AFAP1L2: variants seen among roughly 807,000 people sequenced by gnomAD.
AFAP1L2 encodes the protein actin filament-associated protein 1-like 2.
Under a neutral mutation model 99.3 loss-of-function variants are expected in AFAP1L2, and 46 were observed. The ratio of observed to expected loss-of-function variants is 0.46; its 90% CI spans 0.37 to 0.59. The LOEUF (loss-of-function observed/expected upper bound fraction) is 0.59, where lower values mean the gene tolerates loss of function less well. AFAP1L2 is among the 20% of genes least tolerant of loss of function. AFAP1L2 has a pLI of 0.00. For synonymous variants in AFAP1L2, 397 were observed against 419.1 expected, an observed-to-expected ratio of 0.95 and a Z score of 0.64; for missense variants, 959 against 1,034.9, an observed-to-expected ratio of 0.93 and a Z score of 1.01.
chr10:114,345,336 T>C (rs892156056), intron 1 of AFAP1L2, among the ~76,000 whole-genome samples: 1 of 152,170 alleles, frequency 6.6e-6, no homozygotes, highest in East Asian at 1.9e-4. Flanking sequence ...TGGTGCCTTA[T>C]TCTGCAGGGT....
chr10:114,306,374 A>AGGGGAGGAGGGGGCAGGAGGGGACGCGG (rs1164260630), intron 10 of AFAP1L2, among the ~76,000 whole-genome samples: 1 of 147,824 alleles, frequency 6.8e-6, no homozygotes, highest in African/African-American at 2.5e-5. Context: ...CGGGGGCAGG[A>AGGGGAGGAGGGGGCAGGAGGGGACGCGG]GGGCATGGGT....
At chr10:114,331,668 G>T (rs1485028220) in intron 4 of AFAP1L2, 135 bp downstream of exon 4, 4 of 551,170 alleles carry the variant, frequency 7.3e-6, no homozygotes, top group East Asian at 3.5e-5. Flanking sequence ...GTCCCTACAC[G>T]TGCCTTGTCC....
intron 1 of AFAP1L2, among the ~76,000 whole-genome samples, chr10:114,381,192 A>G (rs900892015): frequency 3.3e-5 from 5 of 152,264 alleles, no homozygotes; most frequent in African/African-American, 1.2e-4. Context: ...GAATATTATT[A>G]AGCCATGAAA....
At chr10:114,315,864 G>C (rs970305545) in intron 5 of AFAP1L2, 99 bp from the exon 6 acceptor site, 14 of 1,197,568 alleles carry the variant, frequency 1.2e-5, no homozygotes, top group Middle Eastern at 2.7e-4. Context: ...GCAGCAGCCA[G>C]ACCACAGCCC....
chr10:114,286,099 A>T, the AFAP1L2 span: 2 of 1,614,168 alleles, frequency 1.2e-6, no homozygotes, highest in African/African-American at 2.7e-5. Flanking sequence ...GTGTGGCCAC[A>T]TACAGCAGGG....
upstream of AFAP1L2, chr10:114,404,549 G>A (rs1042005181): frequency 2.8e-6 from 4 of 1,435,058 alleles, no homozygotes; most frequent in Admixed American, 2.7e-5. Flanking sequence ...GCCCCTCCCC[G>A]TGAGGTCACG....
At chr10:114,320,763 G>A (rs549946852) in intron 5 of AFAP1L2, among the ~76,000 whole-genome samples, 2 of 152,288 alleles carry the variant, frequency 1.3e-5, no homozygotes, top group South Asian at 4.1e-4. Flanking sequence ...CCACAAACCG[G>A]CCCCCTGGTG....
intron 1 of AFAP1L2, among the ~76,000 whole-genome samples, chr10:114,362,700 A>G (rs887895361): frequency 1.3e-5 from 2 of 151,964 alleles, no homozygotes; most frequent in Non-Finnish European, 2.9e-5. Context: ...AAATTAATAC[A>G]CCCCCATCAA....
the AFAP1L2 span, chr10:114,281,684 C>A: frequency 1.0e-6 from 1 of 972,518 alleles, no homozygotes; most frequent in South Asian, 4.8e-5. Flanking sequence ...CAGATAGTAG[C>A]AGCACACCTG....
At chr10:114,285,141 G>A in the AFAP1L2 span, among the ~76,000 whole-genome samples, 2 of 152,204 alleles carry the variant, frequency 1.3e-5, no homozygotes, top group South Asian at 2.1e-4. Flanking sequence ...TCAGTGCTCC[G>A]TGAGTAGATA....
At chr10:114,368,651 G>T (rs2053625724) in intron 1 of AFAP1L2, among the ~76,000 whole-genome samples, 1 of 151,840 alleles carries the variant, frequency 6.6e-6, no homozygotes, top group Admixed American at 6.6e-5. Flanking sequence ...CTGAACTCAA[G>T]CAATCCACCC....
chr10:114,289,602 T>C, the AFAP1L2 span: 29 of 1,233,588 alleles, frequency 2.4e-5, no homozygotes, highest in Non-Finnish European at 3.1e-5. Flanking sequence ...GAGCACTTGC[T>C]TCCCAAGTGC....
chr10:114,398,021 G>A (rs1443366041), intron 1 of AFAP1L2, among the ~76,000 whole-genome samples: 1 of 152,140 alleles, frequency 6.6e-6, no homozygotes, highest in African/African-American at 2.4e-5. Flanking sequence ...CGTGTTCCCT[G>A]GCCTCACTGT....
chr10:114,357,903 A>G (rs906325034), intron 1 of AFAP1L2, among the ~76,000 whole-genome samples: 2 of 152,212 alleles, frequency 1.3e-5, no homozygotes, highest in African/African-American at 4.8e-5. Context: ...TCTTTTGACA[A>G]TACACACTTT....
chr10:114,366,235 G>A (rs139012994), intron 1 of AFAP1L2, among the ~76,000 whole-genome samples: 4 of 152,236 alleles, frequency 2.6e-5, no homozygotes, highest in Admixed American at 6.5e-5. Context: ...TCATATACAC[G>A]CGAAATACAT....
chr10:114,306,106 GGGATGCAGATGCCTGGA>G (rs2042316663), intron 10 of AFAP1L2, among the ~76,000 whole-genome samples: 5 of 97,330 alleles, frequency 5.1e-5, no homozygotes, highest in Admixed American at 9.0e-5. Context: ...GATGCAGGAA[GGGATGCAGATGCCTGGA>G]GGGATGCAGG....
intron 2 of AFAP1L2, among the ~76,000 whole-genome samples, chr10:114,340,010 C>CAAAA (rs3061677): frequency 4.2e-5 from 5 of 117,766 alleles, no homozygotes; most frequent in African/African-American, 1.0e-4. Context: ...GACCCCGTCT[C>CAAAA]AAAAAAAAAA....
intron 1 of AFAP1L2, among the ~76,000 whole-genome samples, chr10:114,387,672 G>A (rs1368733649): frequency 6.6e-6 from 1 of 152,192 alleles, no homozygotes; most frequent in African/African-American, 2.4e-5. Context: ...GTAAGTAATT[G>A]CTCATGGTTG....
intron 4 of AFAP1L2, chr10:114,326,002 G>A (rs1564876135): frequency 7.8e-7 from 1 of 1,279,062 alleles, no homozygotes; most frequent in Admixed American, 2.4e-5. Context: ...CTGGAGAAAA[G>A]CTCTGGGCAC....
Sources: gnomAD v4.1 joint callset for allele counts (sites outside exome capture counted in the v4.1 genomes callset) on GRCh38, gnomAD v4.1.1 for gene constraint, MANE v1.5 for transcripts, NCBI Gene and HGNC (gene_info 2026-07-23, HGNC 2026-07-21) for gene names.